APPL1: variants seen among roughly 807,000 people sequenced by gnomAD.
APPL1 encodes the protein adaptor protein, phosphotyrosine interacting with PH domain and leucine zipper 1.
In APPL1, 42 loss-of-function variants were observed where a neutral mutation model predicts 106.8. The ratio of observed to expected loss-of-function variants is 0.39; its 90% CI spans 0.31 to 0.51. The LOEUF is 0.51. Ranked by LOEUF, APPL1 falls within the 20% of genes least tolerant of loss-of-function variation. APPL1 has a pLI of 0.75. For synonymous variants in APPL1, 263 were observed against 281.8 expected, an observed-to-expected ratio of 0.93 and a Z score of 0.67; for missense variants, 769 against 858.2, an observed-to-expected ratio of 0.90 and a Z score of 1.30.
intron 11 of APPL1, among the ~76,000 whole-genome samples, chr3:57,251,658 C>G (rs1300202454): frequency 6.6e-6 from 1 of 151,902 alleles, no homozygotes; most frequent in Non-Finnish European, 1.5e-5. Flanking sequence ...GTTGGAATCA[C>G]TGTATTCATT....
chr3:57,231,338 C>CAAAAAAAA (rs71088043), intron 1 of APPL1, among the ~76,000 whole-genome samples: 3 of 72,238 alleles, frequency 4.2e-5, no homozygotes, highest in African/African-American at 6.3e-5. Flanking sequence ...GACTCCGTCT[C>CAAAAAAAA]AAAAAAAAAA....
intron 10 of APPL1, 105 bp downstream of exon 10, chr3:57,248,456 G>T: frequency 7.5e-7 from 1 of 1,335,304 alleles, no homozygotes; most frequent in East Asian, 2.5e-5. Context: ...TTTATTAAAG[G>T]TTGAAACTTT....
In APPL1 at chr3:57,259,826, A is replaced by G; in HGVS notation, c.1484-19A>G. 6.5e-7 allele frequency: 1 copy of G among 1,531,274 alleles called. No individual in the cohort carries two copies. The highest frequency in any genetic ancestry group is 8.8e-7 in the Non-Finnish European group (1 of 1,139,090). 94.9% of individuals were successfully genotyped at this position (1,531,274 alleles called of 1,614,324 possible). ...ATACAGTAAAAAAAAAATATGTAAT[A>G]CACCTTGTTCTATTATAGATTCTAT... is the stretch of plus-strand genomic sequence containing the variant. On this transcript the variant is annotated intron_variant, in intron 16 of 21. Coordinates refer to ENST00000288266, the MANE Select transcript of APPL1 (RefSeq NM_012096.3).
intron 5 of APPL1, among the ~76,000 whole-genome samples, chr3:57,241,761 C>T (rs938656237): frequency 6.6e-6 from 1 of 152,124 alleles, no homozygotes; most frequent in African/African-American, 2.4e-5. Flanking sequence ...TTTTGTTTCT[C>T]GTTTAGCATT....
At chr3:57,239,520 T>C (rs936451221) in intron 4 of APPL1, among the ~76,000 whole-genome samples, 2 of 152,068 alleles carry the variant, frequency 1.3e-5, no homozygotes, top group African/African-American at 4.8e-5. Flanking sequence ...GTTTTGTTTA[T>C]CTGGTCATCT....
intron 1 of APPL1, chr3:57,230,765 A>C (rs961679716): frequency 2.2e-6 from 1 of 457,628 alleles, no homozygotes; most frequent in African/African-American, 2.0e-5. Context: ...TTTAAAGCTC[A>C]TGGTAAGTTT....
intron 20 of APPL1, 184 bp from the exon 21 acceptor site, chr3:57,268,214 C>T (rs2060907979): frequency 1.7e-6 from 1 of 584,618 alleles, no homozygotes; most frequent in African/African-American, 1.9e-5. Flanking sequence ...AACAGTGATA[C>T]TATTACCAAC....
At chr3:57,234,449 C>T (rs917125602) in intron 1 of APPL1, among the ~76,000 whole-genome samples, 27 of 151,510 alleles carry the variant, frequency 1.8e-4, no homozygotes, top group Admixed American at 7.9e-4. Context: ...AGGGGCCCGC[C>T]ACCATGCCTG....
intron 19 of APPL1, among the ~76,000 whole-genome samples, chr3:57,263,552 C>G (rs1238787583): frequency 6.6e-6 from 1 of 151,990 alleles, no homozygotes; most frequent in African/African-American, 2.4e-5. Flanking sequence ...AACATAATGA[C>G]CTCCATGTTC....
chr3:57,265,561 C>T (rs575770066), intron 19 of APPL1, among the ~76,000 whole-genome samples: 3 of 152,046 alleles, frequency 2.0e-5, no homozygotes, highest in Non-Finnish European at 4.4e-5. Flanking sequence ...AGATTGTTCA[C>T]TGTTGGCATA....
intron 19 of APPL1, among the ~76,000 whole-genome samples, chr3:57,264,788 C>G (rs1002224994): frequency 6.8e-6 from 1 of 147,152 alleles, no homozygotes; most frequent in African/African-American, 2.5e-5. Context: ...TTCTGTTGCA[C>G]TGGTCTATGT....
intron 19 of APPL1, among the ~76,000 whole-genome samples, chr3:57,266,684 T>C (rs1271571509): frequency 6.6e-6 from 1 of 152,224 alleles, no homozygotes; most frequent in Admixed American, 6.5e-5. Flanking sequence ...TTATTTCTGC[T>C]CTGATCCTTA....
At chr3:57,242,278 C>T (rs1187893208) in intron 6 of APPL1, 136 bp downstream of exon 6, 29 of 635,896 alleles carry the variant, frequency 4.6e-5, no homozygotes. Flanking sequence ...ATCAGTATTG[C>T]TACTTAAATT....
At chr3:57,262,725 G>A (rs537003073) in intron 19 of APPL1, among the ~76,000 whole-genome samples, 6 of 151,708 alleles carry the variant, frequency 4.0e-5, no homozygotes, top group African/African-American at 1.5e-4. Context: ...TGAGAATATC[G>A]TACTAACAAA....
At chr3:57,229,827 C>T (rs2060677099) in intron 1 of APPL1, among the ~76,000 whole-genome samples, 1 of 150,914 alleles carries the variant, frequency 6.6e-6, no homozygotes, top group African/African-American at 2.4e-5. Context: ...GATTCTCATG[C>T]CTCAGCCTCC....
chr3:57,236,604 A>G (rs746621018), intron 2 of APPL1, among the ~76,000 whole-genome samples: 2 of 152,236 alleles, frequency 1.3e-5, no homozygotes, highest in Non-Finnish European at 2.9e-5. Flanking sequence ...CTGGGATTAC[A>G]GGCGTGAGCC....
rs2060947860 is a variant in APPL1 at position 57,272,343 on chromosome 3, A to G, written c.*2656A>G. The stretch of plus-strand genomic sequence containing the variant: ...CTAAAGCTAGTCTAGTTTTTGCCAC[A>G]TCTGCAATGATTATTGTTTAATTTC... On this transcript the variant is annotated 3_prime_UTR_variant, in exon 22 of 22. Transcript: ENST00000288266. The G allele has an allele frequency of 6.6e-6, 1 of 152,168 alleles. No homozygotes were observed. The highest frequency in any genetic ancestry group is 2.1e-4 in the South Asian group (1 of 4,822). 9.4% of individuals were successfully genotyped at this position (152,168 alleles called of 1,614,324 possible). A position where few individuals can be genotyped will look rare whatever the true frequency, so the allele number is the denominator to read the frequency against.
rs991365436 is a variant in APPL1, at chr3:57,227,759, T to C, written c.-125T>C. ...GCCGCTCGGCGCCTGGAGAAGGCTG[T>C]GCGGGCGGGGACGGCTGCAGCCCTT... On this transcript the variant is annotated 5_prime_UTR_variant, in exon 1 of 22. Transcript: ENST00000288266. 2 of 781,298 alleles carry C rather than the reference T, an allele frequency of 2.6e-6. No individual in the cohort carries two copies. 48.4% of individuals were successfully genotyped at this position (781,298 alleles called of 1,614,324 possible). A position where few individuals can be genotyped will look rare whatever the true frequency, so the allele number is the denominator to read the frequency against.
chr3:57,264,582 TAAAA>T (rs373132720), intron 19 of APPL1, among the ~76,000 whole-genome samples: 51 of 150,070 alleles, frequency 3.4e-4, no homozygotes, highest in African/African-American at 9.7e-4. Context: ...ATAAAAAAAA[TAAAA>T]AAAAATTTTT....
Sources: gnomAD v4.1 joint callset for allele counts (sites outside exome capture counted in the v4.1 genomes callset) on GRCh38, gnomAD v4.1.1 for gene constraint, MANE v1.5 for transcripts, NCBI Gene and HGNC (gene_info 2026-07-23, HGNC 2026-07-21) for gene names.